The following PPARGC1A variants were observed in gnomAD, a reference collection of about 807,000 sequenced individuals.
PPARGC1A encodes the protein PPARG coactivator 1 alpha, also known as peroxisome proliferator-activated receptor gamma coactivator 1-alpha.
In PPARGC1A, 25 loss-of-function variants were observed where a neutral mutation model predicts 88.7. The ratio of observed to expected loss-of-function variants is 0.28; its 90% CI spans 0.21 to 0.39. The LOEUF is 0.39. Among genes scored for constraint, PPARGC1A ranks in the 10% least tolerant of loss-of-function variants. PPARGC1A has a pLI of 1.00. For synonymous variants in PPARGC1A, 363 were observed against 355.6 expected (o/e 1.02, Z -0.24); for missense variants, 880 against 968.7 (o/e 0.91, Z 1.22).
the PPARGC1A span, among the ~76,000 whole-genome samples, chr4:24,030,273 A>G: frequency 6.6e-6 from 1 of 152,192 alleles, no homozygotes; most frequent in African/African-American, 2.4e-5. Context: ...ACAAACAGAT[A>G]TCTGAATGCA....
At chr4:24,159,034 C>A in the PPARGC1A span, among the ~76,000 whole-genome samples, 1 of 152,032 alleles carries the variant, frequency 6.6e-6, no homozygotes, top group Non-Finnish European at 1.5e-5. Context: ...TAATATATTG[C>A]ATCTTAGACT....
At chr4:24,317,511 C>CCTCATAGCA in the PPARGC1A span, among the ~76,000 whole-genome samples, 1 of 134,320 alleles carries the variant, frequency 7.4e-6, no homozygotes, top group Non-Finnish European at 1.5e-5. Flanking sequence ...GTCCAAAAGC[C>CCTCATAGCA]CTCATAGCAG....
At chr4:24,071,051 G>T in the PPARGC1A span, among the ~76,000 whole-genome samples, 2 of 152,142 alleles carry the variant, frequency 1.3e-5, no homozygotes, top group Non-Finnish European at 2.9e-5. Context: ...AACCTAACAT[G>T]ACTTAGCTGC....
At chr4:24,338,128 C>T in the PPARGC1A span, among the ~76,000 whole-genome samples, 6 of 152,124 alleles carry the variant, frequency 3.9e-5, no homozygotes, top group African/African-American at 1.4e-4. Context: ...TGATGATTCT[C>T]GGGGCCCTGC....
the PPARGC1A span, among the ~76,000 whole-genome samples, chr4:24,130,674 C>T: frequency 6.6e-6 from 1 of 152,188 alleles, no homozygotes; most frequent in Non-Finnish European, 1.5e-5. Flanking sequence ...ATCATCTCCA[C>T]ATCACTTCAC....
chr4:24,177,475 G>A, the PPARGC1A span, among the ~76,000 whole-genome samples: 1 of 151,790 alleles, frequency 6.6e-6, no homozygotes, highest in African/African-American at 2.4e-5. Flanking sequence ...GTGGGGTGGG[G>A]GGAAGGGGGA....
chr4:23,859,994 G>A (rs909079406), intron 2 of PPARGC1A, among the ~76,000 whole-genome samples: 2 of 152,050 alleles, frequency 1.3e-5, no homozygotes, highest in African/African-American at 2.4e-5. Flanking sequence ...GTAGAAGGTG[G>A]GGCATAGTAG....
chr4:24,436,762 T>C, the PPARGC1A span, among the ~76,000 whole-genome samples: 1 of 137,634 alleles, frequency 7.3e-6, no homozygotes, highest in Non-Finnish European at 1.5e-5. Flanking sequence ...CTGACATCGA[T>C]TGGCCACCCC....
At chr4:23,899,533 A>G (rs918102556), upstream of PPARGC1A, among the ~76,000 whole-genome samples, 23 of 152,232 alleles carry the variant, frequency 1.5e-4, no homozygotes, top group Non-Finnish European at 3.1e-4. Flanking sequence ...CACTTAGAGT[A>G]TTATGGTTGT....
the PPARGC1A span, among the ~76,000 whole-genome samples, chr4:24,269,259 A>G: frequency 6.8e-6 from 1 of 147,498 alleles, no homozygotes; most frequent in African/African-American, 2.5e-5. Flanking sequence ...TTTGAAATGT[A>G]TTGATAAAAT....
the PPARGC1A span, among the ~76,000 whole-genome samples, chr4:23,939,071 C>T: frequency 0.017 from 2,610 of 152,220 alleles, 92 homozygotes; most frequent in African/African-American, 0.059. Flanking sequence ...TTTTAGCATT[C>T]TGTTTTTCTT....
intron 8 of PPARGC1A, among the ~76,000 whole-genome samples, chr4:23,813,389 C>T (rs1251657940): frequency 6.6e-6 from 1 of 152,144 alleles, no homozygotes; most frequent in Non-Finnish European, 1.5e-5. Context: ...TTGCATGGAT[C>T]TCCACTATCC....
the PPARGC1A span, among the ~76,000 whole-genome samples, chr4:24,210,743 C>T: frequency 6.6e-6 from 1 of 152,166 alleles, no homozygotes; most frequent in Non-Finnish European, 1.5e-5. Context: ...ATTCCAAGTG[C>T]GTATTTTTAA....
At chr4:24,276,444 G>A in the PPARGC1A span, among the ~76,000 whole-genome samples, 2 of 152,140 alleles carry the variant, frequency 1.3e-5, no homozygotes. Context: ...CAGACATCGA[G>A]GTCCTTGAGT....
chr4:23,891,829 A>G (rs2148858667), upstream of PPARGC1A, among the ~76,000 whole-genome samples: 1 of 152,334 alleles, frequency 6.6e-6, no homozygotes, highest in Non-Finnish European at 1.5e-5. Context: ...TATACAAGCA[A>G]TTAGTGGCAT....
chr4:24,026,576 A>G, the PPARGC1A span, among the ~76,000 whole-genome samples: 5 of 152,214 alleles, frequency 3.3e-5, no homozygotes, highest in Non-Finnish European at 7.3e-5. Context: ...TTTCAAAAAA[A>G]AAACTAAATT....
intron 2 of PPARGC1A, among the ~76,000 whole-genome samples, chr4:23,844,873 T>TTATAATATATGATATATATTATTATA (rs1560429974): frequency 8.2e-4 from 59 of 72,066 alleles, no homozygotes; most frequent in South Asian, 2.2e-3. Flanking sequence ...ATATATATTA[T>TTATAATATATGATATATATTATTATA]ATACACACAC....
chr4:24,376,053 T>G, the PPARGC1A span, among the ~76,000 whole-genome samples: 5 of 152,034 alleles, frequency 3.3e-5, no homozygotes, highest in Non-Finnish European at 7.4e-5. Context: ...ACACTTTTAT[T>G]TCCTGTCATG....
the PPARGC1A span, among the ~76,000 whole-genome samples, chr4:24,019,356 TTAAAC>T: frequency 3.2e-4 from 49 of 152,176 alleles, no homozygotes; most frequent in African/African-American, 1.1e-3. Context: ...CATTTAATCT[TTAAAC>T]TAACTCCAGT....
Sources: gnomAD v4.1 joint callset for allele counts (sites outside exome capture counted in the v4.1 genomes callset) on GRCh38, gnomAD v4.1.1 for gene constraint, MANE v1.5 for transcripts, NCBI Gene and HGNC (gene_info 2026-07-23, HGNC 2026-07-21) for gene names.